Variants in PCDHGA7 observed in about 807,000 individuals in gnomAD.
PCDHGA7 encodes protocadherin gamma subfamily A, 7.
Under a neutral mutation model 58.3 loss-of-function variants are expected in PCDHGA7, and 44 were observed. The ratio of observed to expected loss-of-function variants is 0.75; its 90% CI spans 0.59 to 0.97. PCDHGA7 has a LOEUF of 0.97. PCDHGA7 is among the 50% of genes least tolerant of loss of function. The pLI is 0.00. For missense variants in PCDHGA7, 1,266 were observed against 1,188.7 expected (o/e 1.06, Z -0.96); for synonymous variants, 516 against 504.2 (o/e 1.02, Z -0.31).
rs1028782991 is a variant in PCDHGA7, at chr5:141,503,926, C to T, written c.2484-1467C>T. 2.6e-5 allele frequency among the ~76,000 whole-genome samples: 4 copies of T among 152,196 alleles called. No individual in the cohort carries two copies. The East Asian group carries it at 7.7e-4, about 29-fold the overall frequency. ...ACACACAACGCAACACACACACAGA[C>T]ATTTTCATGCCTTCAAGGCCTACCC... On this transcript the variant is annotated intron_variant, in intron 2 of 3. Coordinates refer to ENST00000518325, the MANE Select transcript of PCDHGA7 (RefSeq NM_018920.4).
At chr5:141,403,811 A>C in intron 1 of PCDHGA7, 1 of 1,613,930 alleles carries the variant, frequency 6.2e-7, no homozygotes, top group Non-Finnish European at 8.5e-7. Flanking sequence ...AATTAATGAA[A>C]AACAATCTCT....
Position 141,511,176 on chromosome 5 carries a change from T to C in PCDHGA7, c.*3T>C, listed in dbSNP as rs375508988. On this transcript the variant is annotated 3_prime_UTR_variant, in exon 4 of 4. Transcript: ENST00000518325. ...CGGGCAAGAAGGAGAAGAAGTAACA[T>C]GGAGGCCAGGCCAAGAGCCACAGGG... 198 of 1,614,046 alleles carry C rather than the reference T, an allele frequency of 1.2e-4. 1 individual carries two copies. The highest frequency in any genetic ancestry group is 6.5e-5 in the Non-Finnish European group (77 of 1,179,964).
rs762264055 is a variant in PCDHGA7 at position 141,385,006 on chromosome 5, G to T, written c.2107G>T (p.Val703Phe). 2 of 1,614,090 alleles carry T rather than the reference G, an allele frequency of 1.2e-6. No homozygotes were observed. The highest frequency in any genetic ancestry group is 3.3e-5 in the Admixed American group (2 of 60,024). The change falls in exon 1 of 4, where the codon GTC becomes TTC. Residue 703 changes from valine to phenylalanine, a missense_variant. Physicochemically the swap from Val to Phe is conservative, Grantham distance 50. Transcript: ENST00000518325. Reference protein sequence around the residue: ...LVVAVATVSCVFLAFVLVLLA... With the variant: ...LVVAVATVSCFFLAFVLVLLA... ...GGTGGCGGTGGCCACAGTCTCCTGC[G>T]TCTTCCTAGCCTTCGTCCTCGTACT...
intron 1 of PCDHGA7, among the ~76,000 whole-genome samples, chr5:141,443,728 C>A (rs1434984241): frequency 1.3e-5 from 2 of 152,060 alleles, no homozygotes; most frequent in African/African-American, 2.4e-5. Flanking sequence ...ATTCCTCATA[C>A]ATTTCCCTAT....
At chr5:141,415,853 G>C (rs2154546169) in intron 1 of PCDHGA7, 1 of 1,186,350 alleles carries the variant, frequency 8.4e-7, no homozygotes, top group Admixed American at 4.0e-5. Context: ...GCAGAACCTT[G>C]TAGTTTATAG....
chr5:141,469,419 A>G (rs1047562022), intron 1 of PCDHGA7, among the ~76,000 whole-genome samples: 2 of 152,066 alleles, frequency 1.3e-5, no homozygotes, highest in South Asian at 2.1e-4. Flanking sequence ...TACTAAAAAT[A>G]TAAAACTTAG....
chr5:141,418,954 T>C (rs1490406390), intron 1 of PCDHGA7: 2 of 1,613,914 alleles, frequency 1.2e-6, no homozygotes, highest in Admixed American at 1.7e-5. Flanking sequence ...CAGGAGTGGT[T>C]GTTGCCCTCT....
chr5:141,408,144 G>C (rs868032463), intron 1 of PCDHGA7: 4 of 1,496,186 alleles, frequency 2.7e-6, no homozygotes, highest in East Asian at 2.5e-5. Context: ...CTTTTAGCGC[G>C]GTAGAGTGCA....
intron 1 of PCDHGA7, chr5:141,399,534 A>G (rs772655467): frequency 3.7e-6 from 6 of 1,614,030 alleles, no homozygotes; most frequent in Middle Eastern, 1.6e-4. Flanking sequence ...CCATCGCGCA[A>G]GTCTGCGCCT....
intron 2 of PCDHGA7, among the ~76,000 whole-genome samples, chr5:141,498,601 G>A (rs2099784606): frequency 6.6e-6 from 1 of 152,126 alleles, no homozygotes; most frequent in African/African-American, 2.4e-5. Flanking sequence ...CTTGGTTCAA[G>A]TTCAAGTCAG....
rs1245580303 is a variant in PCDHGA7, at chr5:141,384,218, T to C, written c.1319T>C (p.Met440Thr). ...TTGTCCAGGGAAACTCACATATTCA[T>C]GCAGGTGGCAGACACCAACGATAAC... ...PPLSRETHIF[M>T]QVADTNDNPP... Residue 440 changes from methionine to threonine, a missense_variant, in exon 1 of 4, where the codon ATG (methionine) becomes ACG (threonine). Physicochemically the swap from Met to Thr is moderately conservative, Grantham distance 81 (BLOSUM62 -1). Transcript: ENST00000518325. 2 of 1,613,904 alleles carry C rather than the reference T, an allele frequency of 1.2e-6. No individual in the cohort carries two copies. The highest frequency in any genetic ancestry group is 1.7e-6 in the Non-Finnish European group (2 of 1,179,898).
At chr5:141,389,816 G>T (rs1359127304) in intron 1 of PCDHGA7, 7 of 1,613,776 alleles carry the variant, frequency 4.3e-6, no homozygotes, top group Non-Finnish European at 5.9e-6. Context: ...TGGTCGCCGT[G>T]CGTGACGGTG....
intron 1 of PCDHGA7, chr5:141,408,243 G>T: frequency 6.3e-7 from 1 of 1,583,996 alleles, no homozygotes; most frequent in African/African-American, 1.3e-5. Context: ...GCCGGCCCGC[G>T]GCAGGTGCTA....
chr5:141,490,990 C>A lies in PCDHGA7; in HGVS notation c.2425-3817C>A, dbSNP rs1230384508. On this transcript the variant is annotated intron_variant, in intron 1 of 3. Transcript: ENST00000518325. The surrounding 1 kb of genome is among the most constrained non-coding windows in gnomAD (Gnocchi z 5.4). ...CCCCCAGCGTCTCCCTCGCTCTGCTCCTCCTGGCTCCTTGGTCACCAAGGT... is the reference window on the plus strand; with the variant it reads ...CCCCCAGCGTCTCCCTCGCTCTGCTACTCCTGGCTCCTTGGTCACCAAGGT... The A allele has an allele frequency of 6.2e-7, 1 of 1,614,102 alleles. No homozygotes were observed. The highest frequency in any genetic ancestry group is 8.5e-7 in the Non-Finnish European group (1 of 1,180,022).
At chr5:141,393,971 A>G (rs769025757) in intron 1 of PCDHGA7, 3 of 1,613,904 alleles carry the variant, frequency 1.9e-6, no homozygotes, top group Non-Finnish European at 2.5e-6. Flanking sequence ...TCTGTTACAC[A>G]CGTGATAATT....
intron 1 of PCDHGA7, chr5:141,390,448 A>C (rs1023664408): frequency 3.5e-6 from 3 of 845,190 alleles, no homozygotes; most frequent in Non-Finnish European, 5.4e-6. Context: ...ACAAAGGAGG[A>C]GTAAAGTAGG....
intron 1 of PCDHGA7, chr5:141,395,349 CAG>C: frequency 7.2e-7 from 1 of 1,382,548 alleles, no homozygotes; most frequent in South Asian, 1.5e-5. Flanking sequence ...AGGTGTATCA[CAG>C]AGTTTTGGGT....
intron 1 of PCDHGA7, chr5:141,478,028 G>A (rs2099428840): frequency 6.2e-7 from 1 of 1,614,060 alleles, no homozygotes; most frequent in South Asian, 1.1e-5. Flanking sequence ...CCAAGACACA[G>A]ATTCACCCAG....
Position 141,476,115 on chromosome 5 carries a change from A to G in PCDHGA7, c.2425-18692A>G. 1 of 1,592,814 alleles carries G rather than the reference A, an allele frequency of 6.3e-7. No homozygotes were observed. The highest frequency in any genetic ancestry group is 8.5e-7 in the Non-Finnish European group (1 of 1,171,734). On this transcript the variant is annotated intron_variant, in intron 1 of 3. Coordinates refer to ENST00000518325, the MANE Select transcript of PCDHGA7 (RefSeq NM_018920.4). This position sits in a 1 kb window ranked among gnomAD's most constrained non-coding sequence, Gnocchi z 7.6. ...CGCTGAGAGGAACTGCTTTTGAGTG[A>G]GATGGTCCCAGAGGCCTGGAGGAGC...
Sources: allele counts gnomAD v4.1 joint callset (sites outside exome capture counted in the v4.1 genomes callset), GRCh38; gene constraint gnomAD v4.1.1; non-coding constraint Gnocchi (gnomAD v3.1); transcripts MANE v1.5; gene names NCBI Gene and HGNC (gene_info 2026-07-23, HGNC 2026-07-21).